RIPOR2: variants seen among roughly 807,000 people sequenced by gnomAD.
RIPOR2 encodes the protein RHO family interacting cell polarization regulator 2.
Under a neutral mutation model 114.5 loss-of-function variants are expected in RIPOR2, and 39 were observed. The observed-to-expected ratio is 0.34, with a 90% confidence interval of 0.26 to 0.44. The LOEUF is 0.44. Among genes scored for constraint, RIPOR2 ranks in the 20% least tolerant of loss-of-function variants. The probability of loss-of-function intolerance (pLI) is 1.00; values close to 1 mark genes in which losing one functional copy is unlikely to be tolerated. For missense variants in RIPOR2, 1,007 were observed against 1,255.1 expected (o/e 0.80, Z 2.99); for synonymous variants, 445 against 484.4 (o/e 0.92, Z 1.07).
chr6:24,911,671 G>A (rs916939396), intron 1 of RIPOR2, among the ~76,000 whole-genome samples: 11 of 152,078 alleles, frequency 7.2e-5, no homozygotes, highest in African/African-American at 2.4e-4. Context: ...TTTCCTGTGG[G>A]GAAAGCATGG....
intron 1 of RIPOR2, among the ~76,000 whole-genome samples, chr6:25,024,647 T>C (rs1776518453): frequency 6.6e-6 from 1 of 152,162 alleles, no homozygotes; most frequent in Non-Finnish European, 1.5e-5. Flanking sequence ...CTGGAAGCAG[T>C]GTGGCCCCAG....
chr6:24,950,373 T>C (rs749214691), intron 1 of RIPOR2, among the ~76,000 whole-genome samples: 9 of 152,176 alleles, frequency 5.9e-5, no homozygotes, highest in Non-Finnish European at 8.8e-5. Context: ...TATTCAACCA[T>C]CCTTTATTCA....
At chr6:24,846,091 C>T (rs538975504) in intron 12 of RIPOR2, among the ~76,000 whole-genome samples, 18 of 152,244 alleles carry the variant, frequency 1.2e-4, no homozygotes, top group African/African-American at 1.9e-4. Flanking sequence ...TAAATTATGA[C>T]GTGAAACCTC....
intron 1 of RIPOR2, among the ~76,000 whole-genome samples, chr6:24,912,184 G>T (rs955929055): frequency 6.6e-6 from 1 of 152,200 alleles, no homozygotes; most frequent in Non-Finnish European, 1.5e-5. Context: ...TTACTAGACT[G>T]TGAGTTCATA....
chr6:24,868,636 G>A (rs1157372077), intron 6 of RIPOR2, among the ~76,000 whole-genome samples: 3 of 152,134 alleles, frequency 2.0e-5, no homozygotes, highest in African/African-American at 7.2e-5. Flanking sequence ...GAGGGAGAGT[G>A]GAAAGAGCCA....
intron 12 of RIPOR2, among the ~76,000 whole-genome samples, chr6:24,844,531 T>C (rs1164064183): frequency 6.6e-6 from 1 of 151,764 alleles, no homozygotes; most frequent in Non-Finnish European, 1.5e-5. Context: ...AGGGCAATGG[T>C]GCGATCTCAG....
chr6:24,831,562 C>T (rs1760694629), intron 16 of RIPOR2, among the ~76,000 whole-genome samples: 1 of 152,160 alleles, frequency 6.6e-6, no homozygotes, highest in South Asian at 2.1e-4. Context: ...CCTCTTCATG[C>T]CCCTCAGAGA....
chr6:24,874,820 C>T (rs1397509521), intron 2 of RIPOR2, among the ~76,000 whole-genome samples: 1 of 152,178 alleles, frequency 6.6e-6, no homozygotes, highest in Non-Finnish European at 1.5e-5. Flanking sequence ...CATTAAAATA[C>T]ACGTAGCTTT....
At chr6:24,971,548 A>C (rs577408338) in intron 1 of RIPOR2, among the ~76,000 whole-genome samples, 5 of 152,302 alleles carry the variant, frequency 3.3e-5, no homozygotes, top group African/African-American at 1.2e-4. Context: ...TGGCACCAAT[A>C]TTTTTCTTTC....
chr6:25,003,550 C>T (rs890023147), intron 1 of RIPOR2, among the ~76,000 whole-genome samples: 3 of 152,030 alleles, frequency 2.0e-5, no homozygotes, highest in Admixed American at 6.5e-5. Context: ...GCACCTCAGC[C>T]TCCCAAGTAG....
intron 1 of RIPOR2, among the ~76,000 whole-genome samples, chr6:24,942,560 C>T (rs1230366972): frequency 6.6e-6 from 1 of 152,180 alleles, no homozygotes; most frequent in East Asian, 1.9e-4. Flanking sequence ...TTCTCCACAT[C>T]CTCTCCAGCA....
intron 5 of RIPOR2, among the ~76,000 whole-genome samples, chr6:24,869,865 C>A (rs1004921894): frequency 6.6e-6 from 1 of 152,106 alleles, no homozygotes; most frequent in Non-Finnish European, 1.5e-5. Flanking sequence ...ACAATTGCTA[C>A]CGGCAGACAG....
At chr6:24,954,455 C>CTCT (rs372356246) in intron 1 of RIPOR2, among the ~76,000 whole-genome samples, 1 of 116,252 alleles carries the variant, frequency 8.6e-6, no homozygotes, top group Non-Finnish European at 1.7e-5. Context: ...GTCTCTCTCT[C>CTCT]CTTTTTTTTT....
intron 8 of RIPOR2, 90 bp from the exon 9 acceptor site, chr6:24,852,708 G>A: frequency 2.0e-6 from 2 of 1,001,200 alleles, no homozygotes; most frequent in Non-Finnish European, 2.9e-6. Flanking sequence ...TTCAAGTGAA[G>A]TGTCAGAACT....
chr6:24,868,801 T>C (rs904894868), intron 6 of RIPOR2, among the ~76,000 whole-genome samples: 2 of 152,212 alleles, frequency 1.3e-5, no homozygotes, highest in Non-Finnish European at 2.9e-5. Context: ...GTTTGATTGA[T>C]AGTTTATCTC....
chr6:24,870,458 T>C (rs1246664261), intron 5 of RIPOR2, among the ~76,000 whole-genome samples: 1 of 152,194 alleles, frequency 6.6e-6, no homozygotes, highest in Non-Finnish European at 1.5e-5. Context: ...TTCTCTAGGA[T>C]TTTACTGTCT....
chr6:24,849,065 C>A (rs952214391), intron 11 of RIPOR2, among the ~76,000 whole-genome samples: 1 of 152,106 alleles, frequency 6.6e-6, no homozygotes, highest in Non-Finnish European at 1.5e-5. Flanking sequence ...CCACAATGCC[C>A]AGCTAATTTT....
chr6:24,911,978 C>T (rs1038559715), intron 1 of RIPOR2, among the ~76,000 whole-genome samples: 1 of 152,140 alleles, frequency 6.6e-6, no homozygotes, highest in African/African-American at 2.4e-5. Context: ...AGACATTAGC[C>T]GAAAGGGAAC....
At chr6:24,967,909 C>CCTTTTTTTTTTTT (rs1561814337) in intron 1 of RIPOR2, among the ~76,000 whole-genome samples, 1 of 123,518 alleles carries the variant, frequency 8.1e-6, no homozygotes. Context: ...AGATCTCAAT[C>CCTTTTTTTTTTTT]TTTTTTTTTT....
Sources: allele counts gnomAD v4.1 joint callset (sites outside exome capture counted in the v4.1 genomes callset), GRCh38; gene constraint gnomAD v4.1.1; transcripts MANE v1.5; gene names NCBI Gene and HGNC (gene_info 2026-07-23, HGNC 2026-07-21).